Variants in SETD5 observed in about 807,000 individuals in gnomAD.
The protein encoded by SETD5 is histone-lysine N-methyltransferase SETD5.
Under a neutral mutation model 153.3 loss-of-function variants are expected in SETD5, and 44 were observed. That is an observed-to-expected ratio of 0.29 (90% CI 0.23 to 0.37). The LOEUF is 0.37. Among genes scored for constraint, SETD5 ranks in the 10% least tolerant of loss-of-function variants. SETD5 has a pLI of 1.00. For synonymous variants in SETD5, 716 were observed against 645.2 expected, an observed-to-expected ratio of 1.11 and a Z score of -1.66; for missense variants, 1,544 against 1,768.0, an observed-to-expected ratio of 0.87 and a Z score of 2.27.
rs1376128361 is a variant in SETD5, at chr3:9,476,820, C to T, written c.*729C>T. ...GCCTCCAACTGTTACCATCCTACTC[C>T]CCCTTCCCAAGCTATTTCACAGCTC... On this transcript the variant is annotated 3_prime_UTR_variant, in exon 23 of 23. Transcript: ENST00000402198. 6.6e-6 allele frequency: 1 copy of T among 152,552 alleles called. No individual in the cohort carries two copies. The highest frequency in any genetic ancestry group is 1.5e-5 in the Non-Finnish European group (1 of 68,058). The allele number at this position is 152,552 out of a possible 1,614,324, so 9.4% of individuals were successfully genotyped here.
intron 3 of SETD5, chr3:9,433,617 A>T (rs1199257232): frequency 7.3e-6 from 8 of 1,096,530 alleles, no homozygotes; most frequent in Non-Finnish European, 9.8e-6. Flanking sequence ...CTGCCTTCAG[A>T]CATCTGCCTG....
chr3:9,459,972 A>G (rs1230344350), intron 17 of SETD5, among the ~76,000 whole-genome samples: 6 of 152,048 alleles, frequency 3.9e-5, no homozygotes, highest in African/African-American at 9.7e-5. Context: ...AAAATAGGCT[A>G]TCAAATTATC....
chr3:9,421,283 T>C (rs2038352327), intron 1 of SETD5, among the ~76,000 whole-genome samples: 1 of 152,106 alleles, frequency 6.6e-6, no homozygotes, highest in Non-Finnish European at 1.5e-5. Context: ...TAACTCCTAA[T>C]ATAGTGCCTT....
At chr3:9,444,337 T>G (rs988466490) in intron 11 of SETD5, among the ~76,000 whole-genome samples, 1 of 152,214 alleles carries the variant, frequency 6.6e-6, no homozygotes, top group African/African-American at 2.4e-5. Flanking sequence ...AAAGATGTTC[T>G]GCTTAATTCA....
chr3:9,416,386 T>C (rs947775132), intron 1 of SETD5, among the ~76,000 whole-genome samples: 1 of 152,224 alleles, frequency 6.6e-6, no homozygotes, highest in Non-Finnish European at 1.5e-5. Flanking sequence ...TTTTGTATAT[T>C]GGCATATAGC....
At chr3:9,424,827 A>T (rs1356238008) in intron 2 of SETD5, among the ~76,000 whole-genome samples, 2 of 152,208 alleles carry the variant, frequency 1.3e-5, no homozygotes, top group Non-Finnish European at 2.9e-5. Context: ...TTACAGAGTT[A>T]CTTAGGGAAG....
chr3:9,430,363 A>G, intron 3 of SETD5: 4 of 981,346 alleles, frequency 4.1e-6, no homozygotes, highest in South Asian at 4.7e-5. Context: ...ATTCCCATAT[A>G]AAAAGGAGAA....
chr3:9,411,952 T>A (rs1203785919), intron 1 of SETD5, among the ~76,000 whole-genome samples: 3 of 152,140 alleles, frequency 2.0e-5, no homozygotes, highest in Non-Finnish European at 4.4e-5. Flanking sequence ...ATTTAAAAAT[T>A]TAATAAAGAA....
rs1413080815 is a variant in SETD5 at position 9,464,428 on chromosome 3, T to C, written c.2480T>C (p.Leu827Ser). 6.2e-7 allele frequency: 1 copy of C among 1,608,716 alleles called. No homozygotes were observed. The highest frequency in any genetic ancestry group is 1.3e-5 in the African/African-American group (1 of 74,800). Residue 827 changes from leucine to serine, a missense_variant, in exon 18 of 23, where the codon TTG becomes TCG. By Grantham distance (145) the Leu-to-Ser change is moderately radical. This residue lies in a region of SETD5 where 782 missense variants were observed against 787.2 expected (regional missense o/e 0.99). Coordinates refer to ENST00000402198, the MANE Select transcript of SETD5 (RefSeq NM_001080517.3). ...SSSICKDNAD[L>S]LSPLKKWKSR... The stretch of plus-strand genomic sequence containing the variant: ...ATCCAAGCTTTGTGTTTCACAGACT[T>C]GTTGAGCCCATTAAAGAAATGGAAG...
At chr3:9,445,824 A>T in intron 13 of SETD5, 84 bp downstream of exon 13, 1 of 905,784 alleles carries the variant, frequency 1.1e-6, no homozygotes, top group South Asian at 2.8e-5. Flanking sequence ...TTGACTTTGT[A>T]TCATCTCATT....
intron 3 of SETD5, chr3:9,431,167 TG>T (rs1348829110): frequency 1.0e-6 from 1 of 985,328 alleles, no homozygotes; most frequent in Non-Finnish European, 1.2e-6. Flanking sequence ...TTTATTTTTG[TG>T]TGTGTTTGTA....
intron 18 of SETD5, among the ~76,000 whole-genome samples, chr3:9,469,003 C>T (rs1430533114): frequency 2.0e-5 from 3 of 152,058 alleles, no homozygotes; most frequent in Non-Finnish European, 2.9e-5. Context: ...TGACTTATGC[C>T]TTGTTCTAGG....
intron 15 of SETD5, 78 bp downstream of exon 15, chr3:9,448,084 A>G: frequency 7.2e-7 from 1 of 1,384,526 alleles, no homozygotes; most frequent in Non-Finnish European, 9.7e-7. Flanking sequence ...TATAATCCCT[A>G]GAAGAAACTA....
At chr3:9,459,954 T>G (rs2043751671) in intron 17 of SETD5, among the ~76,000 whole-genome samples, 1 of 151,958 alleles carries the variant, frequency 6.6e-6, no homozygotes, top group African/African-American at 2.4e-5. Context: ...GAAAACTAGT[T>G]AAACATCAAA....
chr3:9,415,248 C>T (rs1301758614), intron 1 of SETD5, among the ~76,000 whole-genome samples: 2 of 152,008 alleles, frequency 1.3e-5, no homozygotes, highest in East Asian at 3.9e-4. Flanking sequence ...GCATTTTGGC[C>T]CAAATACAGT....
rs145700017 is a variant in SETD5 at position 9,450,704 on chromosome 3, A to C, written c.2346+2074A>C. Reference sequence around the variant, plus strand: ...CTCAGAGTATAAGTTAATCAGATAGATAAGAAAACCCTCCATGGGATTATT... The same window carrying C: ...CTCAGAGTATAAGTTAATCAGATAGCTAAGAAAACCCTCCATGGGATTATT... On this transcript the variant is annotated intron_variant, in intron 16 of 22. Transcript: ENST00000402198. 1.4e-3 allele frequency among the ~76,000 whole-genome samples: 208 copies of C among 152,302 alleles called. 6 individuals are homozygous for C. The East Asian group carries it at 0.025, about 18-fold the overall frequency.
At chr3:9,430,027 A>G in intron 3 of SETD5, 1 of 1,116,818 alleles carries the variant, frequency 9.0e-7, no homozygotes, top group South Asian at 2.0e-5. Flanking sequence ...CAGACTCTTG[A>G]TCCCACAGCC....
chr3:9,474,987 G>A (rs2045708773), intron 21 of SETD5, 81 bp from the exon 22 acceptor site: 6 of 1,284,624 alleles, frequency 4.7e-6, no homozygotes, highest in Non-Finnish European at 6.5e-6. Context: ...TGATGGCACT[G>A]GTGATTTAAA....
intron 6 of SETD5, 83 bp from the exon 7 acceptor site, chr3:9,435,645 T>C: frequency 2.3e-6 from 3 of 1,292,594 alleles, no homozygotes; most frequent in Non-Finnish European, 2.1e-6. Context: ...TTACTGCATG[T>C]GGGGCACACC....
Sources: allele counts gnomAD v4.1 joint callset (sites outside exome capture counted in the v4.1 genomes callset), GRCh38; gene constraint gnomAD v4.1.1; regional missense constraint gnomAD v4.1.1; transcripts MANE v1.5; gene names NCBI Gene and HGNC (gene_info 2026-07-23, HGNC 2026-07-21).